ANO3: variants seen among roughly 807,000 people sequenced by gnomAD.
The protein encoded by ANO3 is anoctamin 3, also known as anoctamin-3.
A neutral mutation model predicts 144.8 loss-of-function variants in ANO3; 99 were observed. The ratio of observed to expected loss-of-function variants is 0.68; its 90% CI spans 0.58 to 0.81. The LOEUF is 0.81. ANO3 is among the 30% of genes least tolerant of loss of function. ANO3 has a pLI of 0.00. For missense variants in ANO3, 905 were observed against 1,202.2 expected, an observed-to-expected ratio of 0.75 and a Z score of 3.66; for synonymous variants, 414 against 392.6, an observed-to-expected ratio of 1.05 and a Z score of -0.64.
intron 17 of ANO3, among the ~76,000 whole-genome samples, chr11:26,613,572 G>A (rs1852162679): frequency 6.6e-6 from 1 of 152,078 alleles, no homozygotes; most frequent in Admixed American, 6.6e-5. Flanking sequence ...CACGTTTCTT[G>A]TGTCCTTATT....
chr11:26,295,314 C>T (rs1476822404), intron 1 of ANO3, among the ~76,000 whole-genome samples: 1 of 151,368 alleles, frequency 6.6e-6, no homozygotes, highest in Non-Finnish European at 1.5e-5. Flanking sequence ...GTCAGGAGAT[C>T]GAGACCATCC....
At chr11:26,247,351 C>T (rs569811639) in intron 1 of ANO3, among the ~76,000 whole-genome samples, 2 of 152,324 alleles carry the variant, frequency 1.3e-5, no homozygotes, top group South Asian at 2.1e-4. Context: ...TTTCTCCAGT[C>T]ATTTCAATGC....
intron 1 of ANO3, among the ~76,000 whole-genome samples, chr11:26,276,255 T>C (rs1255700827): frequency 2.0e-5 from 3 of 152,072 alleles, no homozygotes; most frequent in Non-Finnish European, 4.4e-5. Context: ...CCTAAGACTC[T>C]TGTGAAAAAT....
chr11:26,496,901 T>C (rs2134116421), intron 4 of ANO3, among the ~76,000 whole-genome samples: 1 of 151,528 alleles, frequency 6.6e-6, no homozygotes, highest in African/African-American at 2.4e-5. Flanking sequence ...TGTGTGTGTA[T>C]GTGTCTGTAG....
chr11:26,565,752 G>A lies in ANO3; in HGVS notation c.1447+5973G>A, dbSNP rs1850551361. 9 of 1,606,040 alleles carry A rather than the reference G, an allele frequency of 5.6e-6. No homozygotes were observed. The highest frequency in any genetic ancestry group is 7.7e-6 in the Non-Finnish European group (9 of 1,174,224). ...ATTTTCCATTGTTTTAAAAACTTCTGCAATGTTCTGTGTTGTGTTTATGTC... is the reference window on the plus strand; with the variant it reads ...ATTTTCCATTGTTTTAAAAACTTCTACAATGTTCTGTGTTGTGTTTATGTC... On this transcript the variant is annotated intron_variant, in intron 14 of 26. Transcript: ENST00000256737.
chr11:26,432,981 T>A (rs887427865), intron 1 of ANO3, among the ~76,000 whole-genome samples: 8 of 152,138 alleles, frequency 5.3e-5, no homozygotes, highest in Admixed American at 2.6e-4. Flanking sequence ...AGTCTGTAAA[T>A]TTTTTTGTGA....
At chr11:26,590,436 C>T (rs566167911) in intron 14 of ANO3, among the ~76,000 whole-genome samples, 2 of 152,296 alleles carry the variant, frequency 1.3e-5, no homozygotes, top group Admixed American at 6.5e-5. Flanking sequence ...CCAGCTGTTA[C>T]CAGCAGGTCT....
chr11:26,389,551 A>T (rs1856822766), intron 1 of ANO3, among the ~76,000 whole-genome samples: 1 of 152,020 alleles, frequency 6.6e-6, no homozygotes, highest in South Asian at 2.1e-4. Flanking sequence ...AATAATAAAG[A>T]TCTCTTTTCA....
intron 1 of ANO3, among the ~76,000 whole-genome samples, chr11:26,365,766 CTT>C (rs1856052816): frequency 6.6e-6 from 1 of 151,976 alleles, no homozygotes; most frequent in African/African-American, 2.4e-5. Flanking sequence ...TAAACTCATT[CTT>C]TTTTCCTAGT....
chr11:26,634,609 A>G (rs1852890956), intron 19 of ANO3, among the ~76,000 whole-genome samples: 2 of 152,202 alleles, frequency 1.3e-5, no homozygotes, highest in South Asian at 4.1e-4. Flanking sequence ...GCAAAATATG[A>G]AAAAAGCAGC....
intron 1 of ANO3, among the ~76,000 whole-genome samples, chr11:26,244,530 A>G (rs1171717855): frequency 6.6e-6 from 1 of 152,218 alleles, no homozygotes; most frequent in East Asian, 1.9e-4. Flanking sequence ...AAAGGATCGT[A>G]GGAGACTTAG....
rs1303194038 is a variant in ANO3, at chr11:26,332,143, C to A, written c.-133C>A. 3.2e-6 allele frequency: 5 copies of A among 1,543,110 alleles called. No individual in the cohort carries two copies. In the East Asian group the frequency reaches 9.3e-5, roughly 29 times the overall value. On this transcript the variant is annotated 5_prime_UTR_variant, in exon 1 of 27. Transcript: ENST00000256737. ...GGCGCGTAGCCTGGAGAGCGAAGTG[C>A]CGGCTACAGCAGGTGTCGGATTGCA...
chr11:26,609,387 G>A (rs1265876841), intron 17 of ANO3, among the ~76,000 whole-genome samples: 2 of 151,560 alleles, frequency 1.3e-5, no homozygotes, highest in African/African-American at 4.9e-5. Context: ...ATCACATGCA[G>A]GATTCACATA....
intron 19 of ANO3, 93 bp from the exon 20 acceptor site, chr11:26,634,920 G>A: frequency 2.0e-6 from 2 of 983,600 alleles, no homozygotes; most frequent in Non-Finnish European, 3.2e-6. Flanking sequence ...GAGCGTTTAT[G>A]TCTACCCACA....
At chr11:26,306,028 G>A (rs923711022), upstream of ANO3, among the ~76,000 whole-genome samples, 7 of 151,864 alleles carry the variant, frequency 4.6e-5, no homozygotes, top group African/African-American at 1.5e-4. Flanking sequence ...GCGCGATCTC[G>A]GCTCACTGCA....
intron 8 of ANO3, among the ~76,000 whole-genome samples, chr11:26,532,077 T>C (rs942731760): frequency 1.3e-5 from 2 of 152,206 alleles, no homozygotes; most frequent in Non-Finnish European, 2.9e-5. Flanking sequence ...CTATAGGCCA[T>C]TGTGAATTGA....
At chr11:26,338,753 G>C (rs1012107662) in intron 1 of ANO3, among the ~76,000 whole-genome samples, 15 of 151,912 alleles carry the variant, frequency 9.9e-5, no homozygotes, top group Non-Finnish European at 2.9e-5. Flanking sequence ...AACACTTGCT[G>C]TGAGGGTCTG....
chr11:26,326,789 A>T (rs1322685052), intron 1 of ANO3, among the ~76,000 whole-genome samples: 2 of 152,216 alleles, frequency 1.3e-5, no homozygotes, highest in African/African-American at 4.8e-5. Context: ...AGACATTAGC[A>T]ACAAGTAACT....
chr11:26,195,782 T>C (rs1280888416), intron 1 of ANO3, among the ~76,000 whole-genome samples: 5 of 152,180 alleles, frequency 3.3e-5, no homozygotes, highest in Non-Finnish European at 7.3e-5. Context: ...GACTTTGACA[T>C]AGAACAACTA....
Sources: allele counts gnomAD v4.1 joint callset (sites outside exome capture counted in the v4.1 genomes callset), GRCh38; gene constraint gnomAD v4.1.1; transcripts MANE v1.5; gene names NCBI Gene and HGNC (gene_info 2026-07-23, HGNC 2026-07-21).